The following NSMCE2 variants were observed in gnomAD, a reference collection of about 807,000 sequenced individuals.
NSMCE2 encodes NSE2 SUMO ligase component of SMC5/6 complex.
A neutral mutation model predicts 23.8 loss-of-function variants in NSMCE2; 24 were observed. The observed-to-expected ratio is 1.01, with a 90% CI of 0.73 to 1.42. The LOEUF is 1.42. Ranked by LOEUF, NSMCE2 falls within the 40% of genes most tolerant of loss-of-function variation. The probability of loss-of-function intolerance (pLI) is 0.00; values close to 1 mark genes in which losing one functional copy is unlikely to be tolerated. For synonymous variants in NSMCE2, 92 were observed against 94.1 expected (o/e 0.98, Z 0.13); for missense variants, 284 against 296.5 (o/e 0.96, Z 0.31).
intron 4 of NSMCE2, among the ~76,000 whole-genome samples, chr8:125,159,083 G>GTCC (rs1821467912): frequency 6.6e-6 from 1 of 152,200 alleles, no homozygotes; most frequent in Non-Finnish European, 1.5e-5. Flanking sequence ...TTGCTGCTCT[G>GTCC]TCCTGTCTTC....
intron 5 of NSMCE2, among the ~76,000 whole-genome samples, chr8:125,198,649 C>G (rs572358315): frequency 6.6e-6 from 1 of 152,212 alleles, no homozygotes; most frequent in East Asian, 1.9e-4. Flanking sequence ...CTAAAATTCT[C>G]TTTTTTTGTT....
intron 5 of NSMCE2, among the ~76,000 whole-genome samples, chr8:125,325,185 G>A (rs1346277393): frequency 6.6e-6 from 1 of 152,066 alleles, no homozygotes; most frequent in Non-Finnish European, 1.5e-5. Flanking sequence ...GGAGGCTGAG[G>A]CAGGAGGATC....
chr8:125,275,096 C>G (rs1396724403), intron 5 of NSMCE2, among the ~76,000 whole-genome samples: 1 of 151,586 alleles, frequency 6.6e-6, no homozygotes, highest in African/African-American at 2.4e-5. Context: ...TCTTCCCTAT[C>G]CCTGCTTTTA....
intron 3 of NSMCE2, among the ~76,000 whole-genome samples, chr8:125,133,840 A>G (rs988959023): frequency 6.6e-6 from 1 of 150,680 alleles, no homozygotes; most frequent in Non-Finnish European, 1.5e-5. Context: ...CTCAGAGAAA[A>G]CGCCGTTTAT....
intron 5 of NSMCE2, among the ~76,000 whole-genome samples, chr8:125,338,748 C>A (rs925543103): frequency 1.3e-5 from 2 of 152,096 alleles, no homozygotes; most frequent in African/African-American, 4.8e-5. Flanking sequence ...TATCTGTTGT[C>A]AGTAGTTGGG....
chr8:125,134,607 C>A (rs1036179632), intron 3 of NSMCE2, among the ~76,000 whole-genome samples: 1 of 151,828 alleles, frequency 6.6e-6, no homozygotes, highest in Non-Finnish European at 1.5e-5. Context: ...TGTTATTGGA[C>A]CAGTTTTTTA....
intron 5 of NSMCE2, among the ~76,000 whole-genome samples, chr8:125,256,830 G>T (rs1304698783): frequency 6.7e-6 from 1 of 149,378 alleles, no homozygotes; most frequent in Non-Finnish European, 1.5e-5. Context: ...GGAGGCTGAG[G>T]CAGGCGAATT....
At chr8:125,234,182 G>C (rs1825446934) in intron 5 of NSMCE2, among the ~76,000 whole-genome samples, 1 of 151,970 alleles carries the variant, frequency 6.6e-6, no homozygotes, top group Admixed American at 6.6e-5. Context: ...GACAGAGCGA[G>C]ACTCCGTCTC....
chr8:125,357,716 A>C lies in NSMCE2; in HGVS notation c.524A>C (p.Glu175Ala), dbSNP rs887797702. ...CCAACATCTCCTTGATTACAGGAGG[A>C]AATGAAGAAGCCAGTGAAAAATAAA... is the stretch of plus-strand genomic sequence containing the variant. ...TNFTCPITKE[E>A]MKKPVKNKVC... Residue 175 changes from glutamate to alanine, a missense_variant, in exon 7 of 8, where the codon GAA becomes GCA. Coordinates refer to ENST00000287437, the MANE Select transcript of NSMCE2 (RefSeq NM_173685.4). 6.2e-6 allele frequency: 10 copies of C among 1,610,052 alleles called. No homozygotes were observed. Among genetic ancestry groups the C allele is most frequent in the Non-Finnish European group, 7.7e-6 (9 of 1,176,388 alleles).
intron 5 of NSMCE2, among the ~76,000 whole-genome samples, chr8:125,272,983 G>C (rs1314403834): frequency 6.6e-6 from 1 of 152,072 alleles, no homozygotes; most frequent in African/African-American, 2.4e-5. Flanking sequence ...GGGTGACACG[G>C]GGCAGGATCC....
At chr8:125,223,682 G>A (rs1241540127) in intron 5 of NSMCE2, among the ~76,000 whole-genome samples, 1 of 152,042 alleles carries the variant, frequency 6.6e-6, no homozygotes, top group Non-Finnish European at 1.5e-5. Flanking sequence ...GATGTGAAGT[G>A]ATTATCTCTT....
chr8:125,311,265 A>C (rs1279847546), intron 5 of NSMCE2, among the ~76,000 whole-genome samples: 1 of 152,230 alleles, frequency 6.6e-6, no homozygotes, highest in Non-Finnish European at 1.5e-5. Context: ...ATACTGGATG[A>C]AATTAGACAC....
At chr8:125,356,351 A>G (rs555915823) in intron 5 of NSMCE2, among the ~76,000 whole-genome samples, 1 of 109,500 alleles carries the variant, frequency 9.1e-6, no homozygotes, top group African/African-American at 3.4e-5. Context: ...TTTTTTTGAG[A>G]CAGAGTCTCG....
chr8:125,356,326 G>GC (rs1813275116), intron 5 of NSMCE2, among the ~76,000 whole-genome samples: 1 of 105,436 alleles, frequency 9.5e-6, no homozygotes, highest in Non-Finnish European at 1.8e-5. Context: ...TAATTTTTTG[G>GC]TTTTTTTTTT....
intron 5 of NSMCE2, among the ~76,000 whole-genome samples, chr8:125,312,075 TAAAAAA>T (rs56906621): frequency 3.0e-5 from 3 of 99,420 alleles, no homozygotes; most frequent in South Asian, 6.5e-4. Flanking sequence ...CCATCTCAAT[TAAAAAA>T]AAAAAAAAAA....
chr8:125,135,702 T>C (rs1053029925), intron 3 of NSMCE2, among the ~76,000 whole-genome samples: 1 of 152,232 alleles, frequency 6.6e-6, no homozygotes, highest in Non-Finnish European at 1.5e-5. Context: ...TGCACTTTTG[T>C]CTGTTTAGTT....
chr8:125,093,134 T>G (rs1407576019), intron 1 of NSMCE2, among the ~76,000 whole-genome samples: 1 of 152,128 alleles, frequency 6.6e-6, no homozygotes, highest in Non-Finnish European at 1.5e-5. Flanking sequence ...CAACAGAAAT[T>G]TATTTCTCAC....
intron 5 of NSMCE2, among the ~76,000 whole-genome samples, chr8:125,218,708 G>A (rs1056219815): frequency 2.0e-5 from 3 of 152,020 alleles, no homozygotes; most frequent in Admixed American, 6.5e-5. Context: ...CACTGCGCCC[G>A]GCCAAAAGTT....
intron 3 of NSMCE2, among the ~76,000 whole-genome samples, chr8:125,142,845 A>C (rs1050454205): frequency 4.6e-5 from 7 of 151,916 alleles, no homozygotes; most frequent in Non-Finnish European, 7.4e-5. Flanking sequence ...CAGGTGATCC[A>C]CCCGCCTCAG....
Sources: gnomAD v4.1 joint callset for allele counts (sites outside exome capture counted in the v4.1 genomes callset) on GRCh38, gnomAD v4.1.1 for gene constraint, MANE v1.5 for transcripts, NCBI Gene and HGNC (gene_info 2026-07-23, HGNC 2026-07-21) for gene names.